The following EPG5 variants were observed in gnomAD, a reference collection of about 807,000 sequenced individuals.
The protein encoded by EPG5 is ectopic P-granules 5 autophagy tethering factor, also known as ectopic P granules protein 5 homolog.
Under a neutral mutation model 302.7 loss-of-function variants are expected in EPG5, and 159 were observed. The observed-to-expected ratio is 0.53, with a 90% CI of 0.46 to 0.60. The LOEUF (loss-of-function observed/expected upper bound fraction) is 0.60. Ranked by LOEUF, EPG5 falls within the 20% of genes least tolerant of loss-of-function variation. EPG5 has a pLI of 0.00. For missense variants in EPG5, 2,896 were observed against 3,092.4 expected (o/e 0.94, Z 1.51); for synonymous variants, 1,158 against 1,136.8 (o/e 1.02, Z -0.37).
At chr18:45,813,467 G>C in the EPG5 span, among the ~76,000 whole-genome samples, 3 of 152,126 alleles carry the variant, frequency 2.0e-5, no homozygotes, top group East Asian at 3.9e-4. Context: ...ACATGCACAC[G>C]TATGTTTATT....
At chr18:45,842,154 C>T in the EPG5 span, 13 of 1,614,070 alleles carry the variant, frequency 8.1e-6, no homozygotes, top group Non-Finnish European at 1.1e-5. Flanking sequence ...AGATGAACCC[C>T]CGGAGCCCAC....
chr18:45,884,843 G>T, intron 29 of EPG5, 32 bp from the exon 30 acceptor site: 1 of 1,442,822 alleles, frequency 6.9e-7, no homozygotes, highest in South Asian at 1.4e-5. Flanking sequence ...AATGTCACCA[G>T]ATTCTTCCCT....
intron 43 of EPG5, among the ~76,000 whole-genome samples, chr18:45,853,519 C>T (rs1030381038): frequency 3.3e-5 from 5 of 152,220 alleles, no homozygotes; most frequent in East Asian, 1.9e-4. Context: ...AGGATTCTGA[C>T]GGTGTTCCCC....
intron 22 of EPG5, among the ~76,000 whole-genome samples, chr18:45,911,391 T>C (rs1486077816): frequency 2.0e-5 from 3 of 150,648 alleles, no homozygotes; most frequent in African/African-American, 7.3e-5. Context: ...GTTCACACCA[T>C]TCTCCTGCCT....
Position 45,899,447 on chromosome 18 carries a change from C to A in EPG5, c.4766G>T (p.Ser1589Ile). Residue 1589 changes from serine to isoleucine, a missense_variant, in exon 27 of 44, where the codon AGC becomes ATC. Physicochemically the swap from Ser to Ile is moderately radical, Grantham distance 142. This residue lies in a region of EPG5 where 790 missense variants were observed against 798.0 expected (regional missense o/e 0.99). Transcript: ENST00000282041. ...GGCTCCTTGGCATTTCTTACCGCTGCTGCCTCTGCACTCCAAATGTAGTGT... is the reference window on the plus strand; with the variant it reads ...GGCTCCTTGGCATTTCTTACCGCTGATGCCTCTGCACTCCAAATGTAGTGT... Reference protein sequence around the residue: ...QTTLHLECRGSSGKKCQGAAV... With the variant: ...QTTLHLECRGISGKKCQGAAV... 6.2e-7 allele frequency: 1 copy of A among 1,614,194 alleles called. No homozygotes were observed. Among genetic ancestry groups the A allele is most frequent in the Non-Finnish European group, 8.5e-7 (1 of 1,180,040 alleles).
chr18:45,918,828 G>A (rs1237288582), intron 16 of EPG5, among the ~76,000 whole-genome samples: 1 of 152,164 alleles, frequency 6.6e-6, no homozygotes, highest in Non-Finnish European at 1.5e-5. Context: ...TTGTGGAGGC[G>A]AATACAGGGA....
At position 45,880,177 on chromosome 18, in the gene EPG5, C is replaced by CA. The variant is rs765760330; in HGVS notation, c.5564dup (p.Arg1856GlufsTer27). On this transcript the variant is annotated frameshift_variant, in exon 32 of 44. Transcript: ENST00000282041. LOFTEE classifies it high-confidence loss of function. ...TGGGGGCGCAGCAGCCCAGGGCTCT[C>CA]AGAGTGGCCTTCCAACACTCGGGGC... 1.2e-6 allele frequency: 2 copies of CA among 1,610,922 alleles called. No individual in the cohort carries two copies. The highest frequency in any genetic ancestry group is 2.2e-5 in the South Asian group (2 of 90,980).
chr18:45,943,111 T>G (rs750849418), intron 9 of EPG5, 50 bp downstream of exon 9: 17 of 1,579,874 alleles, frequency 1.1e-5, no homozygotes, highest in Non-Finnish European at 1.5e-5. Context: ...AGTATCTGTG[T>G]CTGACCAGGG....
At chr18:45,925,315 A>G (rs764469777) in intron 14 of EPG5, among the ~76,000 whole-genome samples, 3 of 152,134 alleles carry the variant, frequency 2.0e-5, no homozygotes, top group Non-Finnish European at 2.9e-5. Context: ...CTACTAAAAA[A>G]TACAAAAATT....
At chr18:45,855,752 A>G in intron 42 of EPG5, 65 bp from the exon 43 acceptor site, 1 of 1,018,806 alleles carries the variant, frequency 9.8e-7, no homozygotes. Context: ...TGAAATAAAC[A>G]CCATATTTTC....
In EPG5 at chr18:45,954,963, C is replaced by T; in HGVS notation, c.439G>A (p.Val147Ile). Residue 147 changes from valine to isoleucine, a missense_variant, in exon 2 of 44, where the codon GTA (valine) becomes ATA (isoleucine). Around this residue, in one of 5 missense-constraint regions of EPG5, gnomAD observed 1,390 missense variants for 1,430.0 expected, o/e 0.97. Coordinates refer to ENST00000282041, the MANE Select transcript of EPG5 (RefSeq NM_020964.3). ...GCACTTTCTGAAAGTCCACCTTGTA[C>T]CGACATATTTTCCTCTACCTCTGTG... is the stretch of plus-strand genomic sequence containing the variant. ...NFTEVEENMS[V>I]QGGLSESAPQ... 6.2e-7 allele frequency: 1 copy of T among 1,613,934 alleles called. No homozygotes were observed. Among genetic ancestry groups the T allele is most frequent in the Non-Finnish European group, 8.5e-7 (1 of 1,179,962 alleles).
chr18:45,913,633 G>A, intron 21 of EPG5, 73 bp downstream of exon 21: 1 of 1,562,446 alleles, frequency 6.4e-7, no homozygotes, highest in South Asian at 1.2e-5. Flanking sequence ...AAGCTCAAAA[G>A]CTACGGGTGA....
intron 2 of EPG5, 92 bp from the exon 3 acceptor site, chr18:45,952,735 A>T: frequency 7.5e-7 from 1 of 1,331,032 alleles, no homozygotes; most frequent in Non-Finnish European, 1.0e-6. Context: ...AGGCTTCAGT[A>T]CCATCTTCAA....
At chr18:45,959,601 G>A (rs1461129081) in intron 1 of EPG5, among the ~76,000 whole-genome samples, 10 of 150,052 alleles carry the variant, frequency 6.7e-5, no homozygotes, top group Admixed American at 6.7e-5. Flanking sequence ...AGCCAAGATC[G>A]CACCACTGCA....
intron 21 of EPG5, 58 bp downstream of exon 21, chr18:45,913,648 A>G: frequency 6.3e-7 from 1 of 1,597,740 alleles, no homozygotes; most frequent in Non-Finnish European, 8.5e-7. Flanking sequence ...GGGTGAATCC[A>G]TCAGCATCAA....
intron 28 of EPG5, among the ~76,000 whole-genome samples, chr18:45,889,505 G>C (rs990056009): frequency 1.8e-4 from 27 of 152,182 alleles, no homozygotes; most frequent in Non-Finnish European, 2.9e-5. Context: ...TTTCTATATA[G>C]GGCCAGATAG....
chr18:45,853,525 TC>T (rs779875197), intron 43 of EPG5, among the ~76,000 whole-genome samples: 28 of 152,160 alleles, frequency 1.8e-4, no homozygotes, highest in Non-Finnish European at 3.7e-4. Context: ...CTGACGGTGT[TC>T]CCCTCCTCAC....
intron 20 of EPG5, among the ~76,000 whole-genome samples, chr18:45,915,298 AT>A (rs199548997): frequency 6.6e-4 from 100 of 152,044 alleles, no homozygotes; most frequent in African/African-American, 2.3e-3. Context: ...AAAAATAAAA[AT>A]AAAAAACTCA....
Position 45,916,603 on chromosome 18 carries a change from C to T in EPG5, c.3240-21G>A, listed in dbSNP as rs368304513. On this transcript the variant is annotated intron_variant, in intron 17 of 43. Transcript: ENST00000282041. ...AAAACCTGCCAAGCACACAGGAGGA[C>T]GCACTTTACCTTCCGATCAGAACTC... is the stretch of plus-strand genomic sequence containing the variant. The T allele has an allele frequency of 3.2e-5, 51 of 1,575,948 alleles. No homozygotes were observed. In the African/African-American group the frequency reaches 3.4e-4, roughly 10 times the overall value.
Sources: gnomAD v4.1 joint callset for allele counts (sites outside exome capture counted in the v4.1 genomes callset) on GRCh38, gnomAD v4.1.1 for gene constraint, gnomAD v4.1.1 regional missense constraint, MANE v1.5 for transcripts, NCBI Gene and HGNC (gene_info 2026-07-23, HGNC 2026-07-21) for gene names.